Variants in RGL1 observed in about 807,000 individuals in gnomAD.
RGL1 encodes the protein ral guanine nucleotide dissociation stimulator like 1.
In RGL1, 24 loss-of-function variants were observed where a neutral mutation model predicts 95.2. The ratio of observed to expected loss-of-function variants is 0.25; its 90% CI spans 0.18 to 0.35. The LOEUF is 0.35. RGL1 is among the 10% of genes least tolerant of loss of function. RGL1 has a pLI of 1.00. For synonymous variants in RGL1, 329 were observed against 344.9 expected (o/e 0.95, Z 0.51); for missense variants, 715 against 936.3 (o/e 0.76, Z 3.08).
chr1:183,636,372 C>G (rs1240363820), exon 1 of RGL1: 16 of 392,630 alleles, frequency 4.1e-5, no homozygotes, highest in Admixed American at 8.9e-5. Flanking sequence ...GAGCAGGAAG[C>G]CCGTTTCCTG....
chr1:183,852,820 CT>C (rs562239358), intron 3 of RGL1, among the ~76,000 whole-genome samples: 37 of 152,094 alleles, frequency 2.4e-4, no homozygotes, highest in Admixed American at 5.2e-4. Flanking sequence ...ATCATCTGTT[CT>C]CTCCACCATA....
intron 1 of RGL1, among the ~76,000 whole-genome samples, chr1:183,687,661 G>C (rs976220123): frequency 1.3e-5 from 2 of 152,128 alleles, no homozygotes; most frequent in Admixed American, 1.3e-4. Flanking sequence ...CTGGTTGAGA[G>C]AGGTATTCAG....
At chr1:183,643,166 C>T (rs1274705000) in intron 1 of RGL1, among the ~76,000 whole-genome samples, 7 of 152,160 alleles carry the variant, frequency 4.6e-5, no homozygotes, top group African/African-American at 1.7e-4. Context: ...ATCCATTCAT[C>T]TGTCAATGGA....
At chr1:183,717,344 TG>T (rs1655684293) in intron 1 of RGL1, among the ~76,000 whole-genome samples, 1 of 152,222 alleles carries the variant, frequency 6.6e-6, no homozygotes. Flanking sequence ...TTAAAATATG[TG>T]TCACTTATAT....
intron 1 of RGL1, among the ~76,000 whole-genome samples, chr1:183,644,514 T>C (rs59872949): frequency 0.082 from 12,397 of 151,992 alleles, 993 homozygotes; most frequent in African/African-American, 0.21. Context: ...CAGCCTCTAC[T>C]TCCTGGGCTG....
chr1:183,910,833 C>T (rs1213966312), intron 14 of RGL1, among the ~76,000 whole-genome samples: 6 of 152,146 alleles, frequency 3.9e-5, no homozygotes, highest in Non-Finnish European at 5.9e-5. Context: ...CTCTGAGCTC[C>T]GGTTTTCAAT....
intron 4 of RGL1, among the ~76,000 whole-genome samples, chr1:183,870,074 C>T (rs1353593224): frequency 6.6e-6 from 1 of 152,184 alleles, no homozygotes. Flanking sequence ...ACCCTAAAAG[C>T]ATGCCAACAG....
At chr1:183,743,003 G>A (rs1657405098) in intron 2 of RGL1, among the ~76,000 whole-genome samples, 1 of 152,058 alleles carries the variant, frequency 6.6e-6, no homozygotes, top group Admixed American at 6.6e-5. Flanking sequence ...ATTAAAGCTA[G>A]AGGTTTTTAT....
intron 16 of RGL1, 119 bp downstream of exon 16, chr1:183,916,820 G>A: frequency 8.7e-7 from 1 of 1,153,320 alleles, no homozygotes; most frequent in Non-Finnish European, 1.2e-6. Context: ...ATACATATAT[G>A]CATTCACACA....
chr1:183,906,363 G>A (rs1010696526), intron 13 of RGL1, among the ~76,000 whole-genome samples: 7 of 152,098 alleles, frequency 4.6e-5, no homozygotes, highest in Non-Finnish European at 7.4e-5. Context: ...GGCAGATAGA[G>A]GTCTGAATCT....
intron 1 of RGL1, among the ~76,000 whole-genome samples, chr1:183,644,842 TA>T (rs1299664153): frequency 1.3e-5 from 2 of 152,354 alleles, no homozygotes; most frequent in African/African-American, 2.4e-5. Flanking sequence ...TGATGAATTC[TA>T]ATCTATTTAG....
intron 10 of RGL1, among the ~76,000 whole-genome samples, chr1:183,899,457 T>C (rs910343794): frequency 2.0e-5 from 3 of 152,248 alleles, no homozygotes; most frequent in Non-Finnish European, 4.4e-5. Flanking sequence ...TTTGAGGTTG[T>C]CTGCTGTTTT....
intron 2 of RGL1, among the ~76,000 whole-genome samples, chr1:183,843,331 A>T (rs1158434733): frequency 3.3e-5 from 5 of 152,258 alleles, no homozygotes; most frequent in Non-Finnish European, 5.9e-5. Context: ...TAATGCACAG[A>T]TGCAAACCCT....
At chr1:183,860,769 C>T (rs972942157) in intron 3 of RGL1, among the ~76,000 whole-genome samples, 2 of 152,136 alleles carry the variant, frequency 1.3e-5, no homozygotes, top group African/African-American at 4.8e-5. Context: ...CTGTCTCCTC[C>T]GCACTACCAT....
chr1:183,667,995 TTA>T (rs572414118), intron 1 of RGL1, among the ~76,000 whole-genome samples: 23 of 89,798 alleles, frequency 2.6e-4, no homozygotes, highest in South Asian at 2.3e-3. Context: ...ACTTACATGC[TTA>T]TATATATGTG....
intron 3 of RGL1, among the ~76,000 whole-genome samples, 158 bp downstream of exon 3, chr1:183,847,932 A>G (rs1051282141): frequency 1.3e-5 from 2 of 152,220 alleles, no homozygotes; most frequent in Non-Finnish European, 2.9e-5. Flanking sequence ...AAAGAAGATC[A>G]TTCAGGAGCC....
chr1:183,926,071 A>G (rs1669597845), intron 17 of RGL1, 34 bp from the exon 18 acceptor site: 3 of 1,592,664 alleles, frequency 1.9e-6, no homozygotes, highest in Non-Finnish European at 2.6e-6. Context: ...GACCTCCACA[A>G]GCTGACCATC....
intron 2 of RGL1, among the ~76,000 whole-genome samples, chr1:183,819,926 A>C (rs886260953): frequency 6.6e-6 from 1 of 151,966 alleles, no homozygotes; most frequent in Non-Finnish European, 1.5e-5. Flanking sequence ...CTGAGACTGC[A>C]GGTGCACACC....
intron 2 of RGL1, chr1:183,742,406 T>G: frequency 8.7e-7 from 1 of 1,153,826 alleles, no homozygotes; most frequent in Non-Finnish European, 1.3e-6. Context: ...ATTCAGGGGC[T>G]GTAGGCACAG....
Sources: allele counts gnomAD v4.1 joint callset (sites outside exome capture counted in the v4.1 genomes callset), GRCh38; gene constraint gnomAD v4.1.1; transcripts MANE v1.5; gene names NCBI Gene and HGNC (gene_info 2026-07-23, HGNC 2026-07-21).